The following CAPNS1 variants were observed in gnomAD, a reference collection of about 807,000 sequenced individuals.
The protein encoded by CAPNS1 is calpain small subunit 1, also known as CANP small subunit.
A neutral mutation model predicts 39.2 loss-of-function variants in CAPNS1; 32 were observed. The observed-to-expected ratio is 0.82, with a 90% CI of 0.62 to 1.10. The LOEUF is 1.10. Ranked by LOEUF, CAPNS1 falls within the 50% of genes least tolerant of loss-of-function variation. The pLI is 0.00. For synonymous variants in CAPNS1, 153 were observed against 136.2 expected, an observed-to-expected ratio of 1.12 and a Z score of -0.86; for missense variants, 353 against 373.1, an observed-to-expected ratio of 0.95 and a Z score of 0.44.
chr19:36,143,119 C>G lies in CAPNS1; in HGVS notation c.447C>G (p.Ala149=). 1 of 1,613,876 alleles carries G rather than the reference C, an allele frequency of 6.2e-7. No individual in the cohort carries two copies. Among genetic ancestry groups the G allele is most frequent in the Non-Finnish European group, 8.5e-7 (1 of 1,179,932 alleles). The part of the protein sequence containing the change: ...FGIDTCRSMV[A]VMDSDTTGKL... The stretch of plus-strand genomic sequence containing the variant: ...TTGACACATGTCGCAGCATGGTGGC[C>G]GTGATGGATGTATCCTTGGGGGCAG... Residue 149 remains alanine, a synonymous_variant, in exon 6 of 11, where the codon GCC becomes GCG. Coordinates refer to ENST00000246533, the MANE Select transcript of CAPNS1 (RefSeq NM_001749.4).
chr19:36,142,635 C>T lies in CAPNS1; in HGVS notation c.244-17C>T, dbSNP rs753892238. 1.9e-6 allele frequency: 3 copies of T among 1,611,104 alleles called. No homozygotes were observed. The highest frequency in any genetic ancestry group is 2.5e-6 in the Non-Finnish European group (3 of 1,177,386). On this transcript the variant is annotated splice_polypyrimidine_tract_variant and intron_variant, in intron 3 of 10. Coordinates refer to ENST00000246533, the MANE Select transcript of CAPNS1 (RefSeq NM_001749.4). ...CGGGTTCCCCTCCCCCTGCTCTGAG[C>T]TCTCCTCCCTTTGCAGCCCCCACGC... is the stretch of plus-strand genomic sequence containing the variant.
chr19:36,142,264 C>G, intron 2 of CAPNS1, 36 bp from the exon 3 acceptor site: 1 of 1,523,982 alleles, frequency 6.6e-7, no homozygotes, highest in African/African-American at 1.4e-5. Flanking sequence ...GAGGCCCCGC[C>G]CCTGGCACTA....
At chr19:36,140,892 G>T in intron 1 of CAPNS1, 105 bp from the exon 2 acceptor site, 5 of 1,544,122 alleles carry the variant, frequency 3.2e-6, no homozygotes, top group Non-Finnish European at 4.4e-6. Context: ...ACCCCCACCC[G>T]GAGGCTTCAG....
At chr19:36,147,239 G>A (rs1242883318) in intron 9 of CAPNS1, among the ~76,000 whole-genome samples, 1 of 152,214 alleles carries the variant, frequency 6.6e-6, no homozygotes, top group East Asian at 1.9e-4. Flanking sequence ...GATTCAAGGA[G>A]GCAAATTTTC....
At position 36,141,405 on chromosome 19, in the gene CAPNS1, C is replaced by T. The variant is rs17882475; in HGVS notation, c.209+185C>T. 42,939 of 1,326,562 alleles carry T rather than the reference C, an allele frequency of 0.032. 818 individuals are homozygous for T. The highest frequency in any genetic ancestry group is 0.035 in the Non-Finnish European group (36,594 of 1,040,968). 82.2% of individuals were successfully genotyped at this position (1,326,562 alleles called of 1,614,324 possible). On this transcript the variant is annotated intron_variant, in intron 2 of 10. Transcript: ENST00000246533. ...TGTAAGGGGGTGGACCCCAGTGAGG[C>T]GGATATCAGTCATTGGGGGCGGTGC...
At chr19:36,145,530 TAAC>T in intron 6 of CAPNS1, 2 of 379,140 alleles carry the variant, frequency 5.3e-6, no homozygotes, top group Non-Finnish European at 4.8e-6. Flanking sequence ...AATGAGCAAT[TAAC>T]AACTCTTCAG....
At chr19:36,140,766 A>C in intron 1 of CAPNS1, 1 of 484,224 alleles carries the variant, frequency 2.1e-6, no homozygotes, top group Middle Eastern at 5.7e-4. Context: ...TCACGCGTGC[A>C]CCCAGTCCAG....
rs1349180609 is a variant in CAPNS1 at position 36,142,292 on chromosome 19, C to T, written c.210-8C>T. 6.3e-7 allele frequency: 1 copy of T among 1,592,658 alleles called. No homozygotes were observed. The highest frequency in any genetic ancestry group is 8.6e-7 in the Non-Finnish European group (1 of 1,162,756). On this transcript the variant is annotated splice_polypyrimidine_tract_variant and splice_region_variant and intron_variant, in intron 2 of 10. Coordinates refer to ENST00000246533, the MANE Select transcript of CAPNS1 (RefSeq NM_001749.4). ...TGGCACTAACCCCTCCCCCTTATCTCTTCGCAGCGAGGCGGCTGCGCAGTA... is the reference window on the plus strand; with the variant it reads ...TGGCACTAACCCCTCCCCCTTATCTTTTCGCAGCGAGGCGGCTGCGCAGTA...
intron 6 of CAPNS1, among the ~76,000 whole-genome samples, chr19:36,144,953 T>G (rs998826757): frequency 6.6e-6 from 1 of 152,058 alleles, no homozygotes; most frequent in Non-Finnish European, 1.5e-5. Flanking sequence ...TTGGGTAGAG[T>G]TTTCAGCTTT....
chr19:36,142,220 G>A (rs1260857959), intron 2 of CAPNS1, 80 bp from the exon 3 acceptor site: 5 of 855,108 alleles, frequency 5.8e-6, no homozygotes, highest in African/African-American at 3.3e-5. Flanking sequence ...GGTCTGGAGC[G>A]TTGGGGCTGA....
rs550584833 is a variant in CAPNS1 at position 36,146,757 on chromosome 19, G to A, written c.721+445G>A. Among the ~76,000 whole-genome samples the A allele has an allele frequency of 3.9e-5, 6 of 152,322 alleles. No homozygotes were observed. The East Asian group carries it at 1.2e-3, about 29-fold the overall frequency. On this transcript the variant is annotated intron_variant, in intron 9 of 10. Coordinates refer to ENST00000246533, the MANE Select transcript of CAPNS1 (RefSeq NM_001749.4). ...GGAGAGAACTTAGTGAGAAGGTAGG[G>A]AATACTGTTGCAGGCTGAGGGAACA...
intron 2 of CAPNS1, 24 bp from the exon 3 acceptor site, chr19:36,142,276 C>A: frequency 1.3e-6 from 2 of 1,569,672 alleles, no homozygotes; most frequent in South Asian, 1.1e-5. Context: ...CTGGCACTAA[C>A]CCCTCCCCCT....
In CAPNS1 at chr19:36,149,664, T is replaced by A. The variant is rs17879753; in HGVS notation, c.780+28T>A. On this transcript the variant is annotated intron_variant, in intron 10 of 10. Coordinates refer to ENST00000246533, the MANE Select transcript of CAPNS1 (RefSeq NM_001749.4). ...AAGGACCCCCATATTGGGGTATGGG[T>A]GCCTGGGAGGACCCCACCCCTCAGC... 21 of 1,589,644 alleles carry A rather than the reference T, an allele frequency of 1.3e-5. No individual in the cohort carries two copies. In the Admixed American group the frequency reaches 2.1e-4, roughly 16 times the overall value.
Position 36,140,969 on chromosome 19 carries a change from A to G in CAPNS1, c.-15-28A>G, listed in dbSNP as rs765986941. The G allele has an allele frequency of 8.2e-6, 13 of 1,589,514 alleles. No individual in the cohort carries two copies. In the South Asian group the frequency reaches 1.2e-4, roughly 15 times the overall value. ...GAGGGTGTGGGCTCAGGGGCGAAGC[A>G]CCCACTGGTCCCCTTTTTTCCCCCC... On this transcript the variant is annotated intron_variant, in intron 1 of 10. Transcript: ENST00000246533.
Position 36,141,078 on chromosome 19 carries a change from G to A in CAPNS1, c.67G>A (p.Gly23Arg). The A allele has an allele frequency of 1.3e-6, 2 of 1,497,102 alleles. No homozygotes were observed. Among genetic ancestry groups the A allele is most frequent in the Non-Finnish European group, 1.8e-6 (2 of 1,117,842 alleles). 92.7% of individuals were successfully genotyped at this position (1,497,102 alleles called of 1,614,324 possible). A position where few individuals can be genotyped will look rare whatever the true frequency, so the allele number is the denominator to read the frequency against. Residue 23 changes from glycine (G) to arginine (R), a missense_variant, in exon 2 of 11, where the codon GGG (glycine) becomes AGG (arginine). By Grantham distance (125) the Gly-to-Arg change is moderately radical. Coordinates refer to ENST00000246533, the MANE Select transcript of CAPNS1 (RefSeq NM_001749.4). Reference sequence around the variant, plus strand: ...CGGCGGGGGAGGCGGGGGCCTGGGTGGGGGCCTGGGAAATGTGCTTGGAGG... The same window carrying A: ...CGGCGGGGGAGGCGGGGGCCTGGGTAGGGGCCTGGGAAATGTGCTTGGAGG... ...GGGGGGGGLG[G>R]GLGNVLGGLI... is the part of the protein sequence containing the mutation.
chr19:36,142,354 GA>G, intron 3 of CAPNS1, 21 bp downstream of exon 3: 1 of 1,411,820 alleles, frequency 7.1e-7, no homozygotes, highest in Non-Finnish European at 9.7e-7. Flanking sequence ...TCTGCAACCA[GA>G]CCCCCTTCTC....
In CAPNS1 at chr19:36,149,803, C is replaced by G. The variant is rs1204515670; in HGVS notation, c.781-10C>G. Reference sequence around the variant, plus strand: ...TTCCCTGTCCTCACTCTCCACCCTCCTCTCCCCAGTGGCTGCAGCTGACTA... The same window carrying G: ...TTCCCTGTCCTCACTCTCCACCCTCGTCTCCCCAGTGGCTGCAGCTGACTA... On this transcript the variant is annotated splice_polypyrimidine_tract_variant and intron_variant, in intron 10 of 10. Coordinates refer to ENST00000246533, the MANE Select transcript of CAPNS1 (RefSeq NM_001749.4). 1 of 1,523,510 alleles carries G rather than the reference C, an allele frequency of 6.6e-7. No homozygotes were observed. Among genetic ancestry groups the G allele is most frequent in the Non-Finnish European group, 8.8e-7 (1 of 1,130,698 alleles). The allele number at this position is 1,523,510 out of a possible 1,614,324, so 94.4% of individuals were successfully genotyped here. A position where few individuals can be genotyped will look rare whatever the true frequency, so the allele number is the denominator to read the frequency against.
chr19:36,149,910 G>A lies in CAPNS1; in HGVS notation c.*71G>A. The A allele has an allele frequency of 7.5e-7, 1 of 1,332,702 alleles. No individual in the cohort carries two copies. The highest frequency in any genetic ancestry group is 9.8e-7 in the Non-Finnish European group (1 of 1,017,538). The allele number at this position is 1,332,702 out of a possible 1,614,324, so 82.6% of individuals were successfully genotyped here. ...ACCTGGAGCCTCGGTCTCTCCCAGG[G>A]CCGATCCTGTCTGCAGTCACATCTT... On this transcript the variant is annotated 3_prime_UTR_variant, in exon 11 of 11. Coordinates refer to ENST00000246533, the MANE Select transcript of CAPNS1 (RefSeq NM_001749.4).
At position 36,141,182 on chromosome 19, in the gene CAPNS1, G is replaced by A. The variant is rs1477438125; in HGVS notation, c.171G>A (p.Thr57=). The part of the protein sequence containing the change: ...GGGGGGGGGG[T]AMRILGGVIS... ...GTGGAGGCGGCGGTGGCGGTGGAAC[G>A]GCCATGCGCATCCTAGGCGGAGTCA... The change falls in exon 2 of 11, where the codon ACG becomes ACA. Residue 57 remains threonine, a synonymous_variant. Transcript: ENST00000246533. 2.1e-6 allele frequency: 3 copies of A among 1,432,582 alleles called. No homozygotes were observed. The highest frequency in any genetic ancestry group is 2.7e-6 in the Non-Finnish European group (3 of 1,098,472). The allele number at this position is 1,432,582 out of a possible 1,614,324, so 88.7% of individuals were successfully genotyped here.
Sources: allele counts gnomAD v4.1 joint callset (sites outside exome capture counted in the v4.1 genomes callset), GRCh38; gene constraint gnomAD v4.1.1; transcripts MANE v1.5; gene names NCBI Gene and HGNC (gene_info 2026-07-23, HGNC 2026-07-21).